C8orf76: variants seen among roughly 807,000 people sequenced by gnomAD.
C8orf76 encodes the protein chromosome 8 open reading frame 76, also known as uncharacterized protein C8orf76.
In C8orf76, 46 loss-of-function variants were observed where a neutral mutation model predicts 38.1. The observed-to-expected ratio is 1.21, with a 90% CI of 0.95 to 1.54. C8orf76 has a LOEUF of 1.54. C8orf76 is among the 40% of genes most tolerant of loss of function. The pLI is 0.00. For missense variants in C8orf76, 461 were observed against 441.6 expected (o/e 1.04, Z -0.39); for synonymous variants, 166 against 167.5 (o/e 0.99, Z 0.07).
rs1327826617 is a variant in C8orf76 at position 123,237,067 on chromosome 8, T to C, written c.357+731A>G. On this transcript the variant is annotated intron_variant, in intron 3 of 5. Coordinates refer to ENST00000276704, the MANE Select transcript of C8orf76 (RefSeq NM_032847.3). ...TGCTGCGCCTGCGAGGTGGCATTAC[T>C]GAGCCTTCCCTCCGCCAGCTCGCCC... 8 of 1,218,948 alleles carry C rather than the reference T, an allele frequency of 6.6e-6. No individual in the cohort carries two copies. In the East Asian group the frequency reaches 9.3e-5, roughly 14 times the overall value. 75.5% of individuals were successfully genotyped at this position (1,218,948 alleles called of 1,614,324 possible).
chr8:123,241,139 G>C lies in C8orf76; in HGVS notation c.117+91C>G, dbSNP rs1010603149. On this transcript the variant is annotated intron_variant, in intron 1 of 5. Coordinates refer to ENST00000276704, the MANE Select transcript of C8orf76 (RefSeq NM_032847.3). ...CTGGAGCCTGCCAGGGTTTGCGTTC[G>C]CGCGGACGGAGGGGCCGAGGCCGGG... The C allele has an allele frequency of 1.4e-5, 18 of 1,321,336 alleles. No homozygotes were observed. The East Asian group carries it at 5.0e-4, about 37-fold the overall frequency. 81.9% of individuals were successfully genotyped at this position (1,321,336 alleles called of 1,614,324 possible).
chr8:123,230,565 A>T (rs1187610057), intron 4 of C8orf76, among the ~76,000 whole-genome samples: 1 of 151,964 alleles, frequency 6.6e-6, no homozygotes, highest in African/African-American at 2.4e-5. Context: ...AGCTCACTGC[A>T]GCCTTGGCCT....
Position 123,234,197 on chromosome 8 carries a change from A to G in C8orf76, c.358-2440T>C, listed in dbSNP as rs1416289831. On this transcript the variant is annotated intron_variant, in intron 3 of 5. Transcript: ENST00000276704. ...TTTAATCCTCCTGACAGTGCTTTAA[A>G]ATAGATTCAGTAATTTTCCTTATGT... Among the ~76,000 whole-genome samples, 3 of 152,136 alleles carry G rather than the reference A, an allele frequency of 2.0e-5. No homozygotes were observed. In the East Asian group the frequency reaches 5.8e-4, roughly 29 times the overall value.
intron 5 of C8orf76, among the ~76,000 whole-genome samples, chr8:123,224,635 A>T (rs2131133062): frequency 6.6e-6 from 1 of 152,272 alleles, no homozygotes; most frequent in South Asian, 2.1e-4. Flanking sequence ...ACAAAACAAA[A>T]TGTACATTAT....
At chr8:123,240,854 G>C (rs1280651977) in intron 1 of C8orf76, among the ~76,000 whole-genome samples, 2 of 152,226 alleles carry the variant, frequency 1.3e-5, no homozygotes, top group Middle Eastern at 3.2e-3. Flanking sequence ...GCCGAAGAGG[G>C]AGGGGAGAGT....
rs749045273 is a variant in C8orf76 at position 123,231,636 on chromosome 8, T to G, written c.479A>C (p.His160Pro). ...IFCLQKLISL[H>P]PFNPWNWGKL... ...GCCCCAGTTCCAAGGATTAAAAGGATGCAAAGAAATCAGTTTCTGCAGGCA... is the reference window on the plus strand; with the variant it reads ...GCCCCAGTTCCAAGGATTAAAAGGAGGCAAAGAAATCAGTTTCTGCAGGCA... The change falls in exon 4 of 6, where the codon CAT becomes CCT. Residue 160 changes from histidine (H) to proline (P), a missense_variant. His to Pro is a moderately conservative substitution (Grantham distance 77). Transcript: ENST00000276704. The G allele has an allele frequency of 1.2e-6, 2 of 1,614,052 alleles. No individual in the cohort carries two copies. Among genetic ancestry groups the G allele is most frequent in the Non-Finnish European group, 1.7e-6 (2 of 1,180,050 alleles).
intron 1 of C8orf76, among the ~76,000 whole-genome samples, chr8:123,240,196 A>C (rs1025666982): frequency 6.6e-6 from 1 of 152,108 alleles, no homozygotes; most frequent in Non-Finnish European, 1.5e-5. Flanking sequence ...TAAAGCCAAC[A>C]CTGGAATTCA....
chr8:123,227,986 G>A (rs149520019), intron 4 of C8orf76, among the ~76,000 whole-genome samples: 234 of 152,100 alleles, frequency 1.5e-3, no homozygotes, highest in African/African-American at 5.1e-3. Flanking sequence ...CCAGGCACCC[G>A]CGACTCGGTA....
intron 4 of C8orf76, among the ~76,000 whole-genome samples, chr8:123,229,488 G>A (rs1023218736): frequency 6.6e-6 from 1 of 152,182 alleles, no homozygotes; most frequent in East Asian, 1.9e-4. Context: ...TTTTGGCCAC[G>A]CCAACAGCTC....
At position 123,220,117 on chromosome 8, in the gene C8orf76, G is replaced by T; in HGVS notation, c.1129C>A (p.Gln377Lys). 1 of 1,604,542 alleles carries T rather than the reference G, an allele frequency of 6.2e-7. No individual in the cohort carries two copies. Among genetic ancestry groups the T allele is most frequent in the Non-Finnish European group, 8.5e-7 (1 of 1,176,584 alleles). Residue 377 changes from glutamine to lysine, a missense_variant, in exon 6 of 6, where the codon CAA (glutamine) becomes AAA (lysine). Transcript: ENST00000276704. ...PFENQFHTEI[Q>K]ILA ...TTTATAACCCACTAAGCCAAGATTTGTATCTCTGTATGGAACTGATTTTCA... is the reference window on the plus strand; with the variant it reads ...TTTATAACCCACTAAGCCAAGATTTTTATCTCTGTATGGAACTGATTTTCA...
rs974874635 is a variant in C8orf76, at chr8:123,231,855, T to C, written c.358-98A>G. On this transcript the variant is annotated intron_variant, in intron 3 of 5. Transcript: ENST00000276704. ...AAACCAAGTTGTATATGTTATAAAT[T>C]AGAAGTATCTTTCAGTAGCTATACG... 3 of 1,288,752 alleles carry C rather than the reference T, an allele frequency of 2.3e-6. No individual in the cohort carries two copies. The African/African-American group carries it at 4.5e-5, about 19-fold the overall frequency. The allele number at this position is 1,288,752 out of a possible 1,614,324, so 79.8% of individuals were successfully genotyped here. A position where few individuals can be genotyped will look rare whatever the true frequency, so the allele number is the denominator to read the frequency against.
chr8:123,239,075 G>C lies in C8orf76; in HGVS notation c.187C>G (p.Leu63Val). The C allele has an allele frequency of 6.2e-7, 1 of 1,614,094 alleles. No homozygotes were observed. Among genetic ancestry groups the C allele is most frequent in the East Asian group, 2.2e-5 (1 of 44,872 alleles). The stretch of plus-strand genomic sequence containing the variant: ...TGATACTCTTGTCGTCTGTAGGCCA[G>C]GTCTCCTTTGAATTTCTTGAGAGTC... Reference protein sequence around the residue: ...VLTLKKFKGDLAYRRQEYQKA... With the variant: ...VLTLKKFKGDVAYRRQEYQKA... The change falls in exon 2 of 6, where the codon CTG becomes GTG. Residue 63 changes from leucine (L) to valine (V), a missense_variant. By Grantham distance (32) the Leu-to-Val change is conservative. Coordinates refer to ENST00000276704, the MANE Select transcript of C8orf76 (RefSeq NM_032847.3).
chr8:123,226,499 CCTCAG>C lies in C8orf76; in HGVS notation c.944_948del (p.Ala315GlyfsTer13). ...CACATAAACCCGAGGGATACACTCA[CCTCAG>C]CTATCAACAGCAAAGTGTCTTCTTT... On this transcript the variant is annotated frameshift_variant and splice_region_variant, in exon 5 of 6. Transcript: ENST00000276704. LOFTEE classifies it high-confidence loss of function. 1 of 1,611,620 alleles carries C rather than the reference CCTCAG, an allele frequency of 6.2e-7. No individual in the cohort carries two copies. Among genetic ancestry groups the C allele is most frequent in the Admixed American group, 1.7e-5 (1 of 59,116 alleles).
chr8:123,220,825 G>T (rs1288091896), intron 5 of C8orf76, among the ~76,000 whole-genome samples: 1 of 151,932 alleles, frequency 6.6e-6, no homozygotes, highest in Non-Finnish European at 1.5e-5. Context: ...ATGAACACAG[G>T]GTCATGTCCC....
Position 123,231,782 on chromosome 8 carries a change from G to C in C8orf76, c.358-25C>G, listed in dbSNP as rs1451796592. The C allele has an allele frequency of 2.0e-6, 3 of 1,535,974 alleles. No individual in the cohort carries two copies. In the East Asian group the frequency reaches 6.8e-5, roughly 35 times the overall value. Reference sequence around the variant, plus strand: ...CCTAAGGAGAAAAAAAAAAGGTTAAGAAGTTTAAACTTCAAAGCATTTTCC... The same window carrying C: ...CCTAAGGAGAAAAAAAAAAGGTTAACAAGTTTAAACTTCAAAGCATTTTCC... On this transcript the variant is annotated intron_variant, in intron 3 of 5. Transcript: ENST00000276704.
intron 5 of C8orf76, chr8:123,226,113 G>A: frequency 9.8e-7 from 1 of 1,017,982 alleles, no homozygotes; most frequent in South Asian, 3.9e-5. Context: ...AGTTCTCTGA[G>A]CCTCAATTCT....
chr8:123,220,268 T>C lies in C8orf76; in HGVS notation c.978A>G (p.Ile326Met), dbSNP rs1410823422. 1.2e-6 allele frequency: 2 copies of C among 1,604,470 alleles called. No individual in the cohort carries two copies. ...EVMGEDIPEK[I>M]KDEVHPEVKC... Reference sequence around the variant, plus strand: ...TCACCTCTGGGTGAACTTCATCTTTTATTTTTTCTGGGATATCTTCTCCCA... The same window carrying C: ...TCACCTCTGGGTGAACTTCATCTTTCATTTTTTCTGGGATATCTTCTCCCA... Residue 326 changes from isoleucine (I) to methionine (M), a missense_variant, in exon 6 of 6, where the codon ATA becomes ATG. Physicochemically the swap from Ile to Met is conservative, Grantham distance 10. Coordinates refer to ENST00000276704, the MANE Select transcript of C8orf76 (RefSeq NM_032847.3).
At chr8:123,223,784 T>C (rs1036044761) in intron 5 of C8orf76, among the ~76,000 whole-genome samples, 2 of 152,218 alleles carry the variant, frequency 1.3e-5, no homozygotes, top group African/African-American at 4.8e-5. Context: ...ATAGAAGGTA[T>C]GAAGTTTTGA....
intron 5 of C8orf76, among the ~76,000 whole-genome samples, chr8:123,221,250 C>T (rs147754928): frequency 3.3e-5 from 5 of 152,232 alleles, no homozygotes; most frequent in Non-Finnish European, 7.3e-5. Context: ...CCTGGTATTT[C>T]ACCAGTTCTA....
Sources: allele counts gnomAD v4.1 joint callset (sites outside exome capture counted in the v4.1 genomes callset), GRCh38; gene constraint gnomAD v4.1.1; transcripts MANE v1.5; gene names NCBI Gene and HGNC (gene_info 2026-07-23, HGNC 2026-07-21).